The following GRM8 variants were observed in gnomAD, a reference collection of about 807,000 sequenced individuals.
GRM8 encodes metabotropic glutamate receptor 8.
GRM8 carries 47 observed loss-of-function variants against 87.2 expected under a neutral mutation model. The ratio of observed to expected loss-of-function variants is 0.54; its 90% CI spans 0.43 to 0.69. The LOEUF (loss-of-function observed/expected upper bound fraction) is 0.69, where lower values mean the gene tolerates loss of function less well. Among genes scored for constraint, GRM8 ranks in the 30% least tolerant of loss-of-function variants. GRM8 has a pLI of 0.00. For synonymous variants in GRM8, 396 were observed against 404.5 expected (o/e 0.98, Z 0.25); for missense variants, 1,019 against 1,139.2 (o/e 0.89, Z 1.52).
intron 6 of GRM8, among the ~76,000 whole-genome samples, chr7:126,868,208 A>G (rs1488902649): frequency 2.0e-5 from 3 of 152,232 alleles, no homozygotes; most frequent in Non-Finnish European, 4.4e-5. Flanking sequence ...CCCAGAGTAA[A>G]CAACACTACT....
At chr7:126,735,972 G>A (rs1814166565) in intron 7 of GRM8, among the ~76,000 whole-genome samples, 1 of 152,058 alleles carries the variant, frequency 6.6e-6, no homozygotes, top group South Asian at 2.1e-4. Flanking sequence ...AGAACCAGAA[G>A]AGCCCAATAT....
chr7:126,983,329 T>G (rs1811729304), intron 3 of GRM8, among the ~76,000 whole-genome samples: 2 of 151,908 alleles, frequency 1.3e-5, no homozygotes, highest in Non-Finnish European at 2.9e-5. Flanking sequence ...CCTTTGGAAG[T>G]CAGAATTAAA....
At chr7:126,854,413 C>T (rs961900327) in intron 6 of GRM8, among the ~76,000 whole-genome samples, 2 of 152,100 alleles carry the variant, frequency 1.3e-5, no homozygotes, top group Non-Finnish European at 2.9e-5. Flanking sequence ...AATCTAGTGG[C>T]TATAGTTTTA....
At chr7:126,722,128 C>T (rs903015839) in intron 7 of GRM8, among the ~76,000 whole-genome samples, 58 of 152,192 alleles carry the variant, frequency 3.8e-4, no homozygotes, top group African/African-American at 1.3e-3. Flanking sequence ...TCCTCCTGGG[C>T]GTCATAAAAA....
chr7:126,944,777 A>G (rs1297219401), intron 3 of GRM8, among the ~76,000 whole-genome samples: 7 of 152,370 alleles, frequency 4.6e-5, no homozygotes, highest in Middle Eastern at 3.4e-3. Flanking sequence ...TACAAAAGTC[A>G]GGAAAAGAAA....
chr7:126,871,972 C>A (rs1799137427), intron 6 of GRM8, among the ~76,000 whole-genome samples: 1 of 152,112 alleles, frequency 6.6e-6, no homozygotes, highest in Non-Finnish European at 1.5e-5. Flanking sequence ...TTTGCCGGTT[C>A]TAAACATCCT....
intron 9 of GRM8, among the ~76,000 whole-genome samples, chr7:126,473,001 T>A (rs1805474753): frequency 6.6e-6 from 1 of 152,212 alleles, no homozygotes; most frequent in Non-Finnish European, 1.5e-5. Context: ...TGGAAATGTC[T>A]GATGTCCAGG....
chr7:127,158,445 T>A (rs1792873918), intron 2 of GRM8, among the ~76,000 whole-genome samples: 1 of 152,218 alleles, frequency 6.6e-6, no homozygotes, highest in South Asian at 2.1e-4. Flanking sequence ...TTGTCTTCAA[T>A]CATTACTGCC....
chr7:126,569,150 T>A (rs61758827), intron 8 of GRM8, among the ~76,000 whole-genome samples: 1 of 152,092 alleles, frequency 6.6e-6, no homozygotes, highest in African/African-American at 2.4e-5. Flanking sequence ...ACACAAAAGA[T>A]CCACAACTAT....
chr7:126,872,365 T>C (rs751131448), intron 6 of GRM8, among the ~76,000 whole-genome samples: 16 of 152,258 alleles, frequency 1.1e-4, no homozygotes, highest in South Asian at 2.1e-4. Flanking sequence ...TCACATTCCA[T>C]TGTGTCATCA....
intron 7 of GRM8, among the ~76,000 whole-genome samples, chr7:126,769,608 T>C (rs1818601749): frequency 6.6e-6 from 1 of 151,778 alleles, no homozygotes; most frequent in African/African-American, 2.4e-5. Context: ...ATCTCTTCAA[T>C]AGTGATATTT....
intron 3 of GRM8, among the ~76,000 whole-genome samples, chr7:126,909,624 C>T (rs1803081449): frequency 6.6e-6 from 1 of 152,114 alleles, no homozygotes; most frequent in Non-Finnish European, 1.5e-5. Context: ...GGCTAGTTTC[C>T]TTGCAGCCTG....
intron 8 of GRM8, among the ~76,000 whole-genome samples, chr7:126,581,724 C>T (rs1019514946): frequency 4.6e-5 from 7 of 152,228 alleles, no homozygotes; most frequent in Non-Finnish European, 1.0e-4. Flanking sequence ...GTACCCACTT[C>T]ATGTCTCTGT....
intron 8 of GRM8, among the ~76,000 whole-genome samples, chr7:126,548,799 G>C (rs1057108533): frequency 6.6e-6 from 1 of 152,172 alleles, no homozygotes; most frequent in African/African-American, 2.4e-5. Flanking sequence ...GACTGTAGTT[G>C]ACTTTGGGCA....
chr7:126,863,763 A>G (rs1483894198), intron 6 of GRM8, among the ~76,000 whole-genome samples: 1 of 152,036 alleles, frequency 6.6e-6, no homozygotes. Flanking sequence ...AACATCTCCT[A>G]TTTGGATAGA....
At chr7:127,142,983 A>T (rs1434868972) in intron 2 of GRM8, among the ~76,000 whole-genome samples, 3 of 152,086 alleles carry the variant, frequency 2.0e-5, no homozygotes, top group Non-Finnish European at 1.5e-5. Context: ...TCTTTCCACC[A>T]CTCCAAGGAG....
At chr7:127,143,305 A>T (rs1192465963) in intron 2 of GRM8, among the ~76,000 whole-genome samples, 1 of 152,132 alleles carries the variant, frequency 6.6e-6, no homozygotes, top group East Asian at 1.9e-4. Context: ...ACTTCCAATA[A>T]TGGGCAAACC....
chr7:126,867,861 T>C (rs1798739691), intron 6 of GRM8, among the ~76,000 whole-genome samples: 1 of 152,082 alleles, frequency 6.6e-6, no homozygotes, highest in South Asian at 2.1e-4. Context: ...AAGTAATAAA[T>C]CCATAATGAA....
intron 2 of GRM8, among the ~76,000 whole-genome samples, chr7:127,123,635 CTCAGGTAT>C (rs1827202742): frequency 6.6e-6 from 1 of 152,124 alleles, no homozygotes; most frequent in Non-Finnish European, 1.5e-5. Context: ...TATTCTTAGC[CTCAGGTAT>C]TCCTTTATAG....
Sources: allele counts gnomAD v4.1 joint callset (sites outside exome capture counted in the v4.1 genomes callset), GRCh38; gene constraint gnomAD v4.1.1; transcripts MANE v1.5; gene names NCBI Gene and HGNC (gene_info 2026-07-23, HGNC 2026-07-21).